The following FRAS1 variants were observed in gnomAD, a reference collection of about 807,000 sequenced individuals.
FRAS1 encodes the protein Fraser extracellular matrix complex subunit 1.
Under a neutral mutation model 435.2 loss-of-function variants are expected in FRAS1, and 290 were observed. The observed-to-expected ratio is 0.67, with a 90% confidence interval of 0.61 to 0.73. The LOEUF (loss-of-function observed/expected upper bound fraction) is 0.73. FRAS1 is among the 30% of genes least tolerant of loss of function. The pLI is 0.00. For missense variants in FRAS1, 4,860 were observed against 5,001.5 expected (o/e 0.97, Z 0.85); for synonymous variants, 1,800 against 1,851.0 (o/e 0.97, Z 0.71).
At chr4:78,200,649 T>C (rs1441468471) in intron 2 of FRAS1, among the ~76,000 whole-genome samples, 1 of 151,812 alleles carries the variant, frequency 6.6e-6, no homozygotes, top group Admixed American at 6.6e-5. Flanking sequence ...TTCTGGGCCC[T>C]GTATTGCATT....
rs1002360914 is a variant in FRAS1 at position 78,298,040 on chromosome 4, A to C, written c.1535-10026A>C. On this transcript the variant is annotated intron_variant, in intron 14 of 73. Coordinates refer to ENST00000512123, the MANE Select transcript of FRAS1 (RefSeq NM_025074.7). ...TCTCTCTCTCTCTCTCTATATATAT[A>C]TATATATATATATTACTAATCCTCT... Among the ~76,000 whole-genome samples the C allele has an allele frequency of 4.9e-3, 661 of 135,674 alleles. 6 individuals are homozygous for C. Among genetic ancestry groups the C allele is most frequent in the African/African-American group, 0.016 (587 of 37,082 alleles). The allele number at this position is 135,674 out of a possible 152,430, so 89.0% of individuals were successfully genotyped here.
At chr4:78,233,736 CAA>C (rs1724609805) in intron 2 of FRAS1, among the ~76,000 whole-genome samples, 1 of 152,160 alleles carries the variant, frequency 6.6e-6, no homozygotes, top group Non-Finnish European at 1.5e-5. Flanking sequence ...AACTCAATAA[CAA>C]ACTCAGTTAA....
At chr4:78,318,116 GT>G (rs2110236400) in intron 17 of FRAS1, among the ~76,000 whole-genome samples, 1 of 152,340 alleles carries the variant, frequency 6.6e-6, no homozygotes, top group Admixed American at 6.5e-5. Context: ...TTAGAACAGA[GT>G]TTGAGAATAG....
At chr4:78,279,552 C>T (rs750126423) in intron 10 of FRAS1, among the ~76,000 whole-genome samples, 1 of 152,180 alleles carries the variant, frequency 6.6e-6, no homozygotes, top group African/African-American at 2.4e-5. Context: ...AAAAAGTGAA[C>T]AGGCTCTAGA....
chr4:78,382,570 G>A (rs536898095), intron 27 of FRAS1, among the ~76,000 whole-genome samples: 1 of 152,260 alleles, frequency 6.6e-6, no homozygotes, highest in African/African-American at 2.4e-5. Context: ...GGTGGAGAGG[G>A]ACAGGACTTA....
chr4:78,244,930 T>G (rs1225523189), intron 3 of FRAS1, among the ~76,000 whole-genome samples: 1 of 152,140 alleles, frequency 6.6e-6, no homozygotes, highest in African/African-American at 2.4e-5. Flanking sequence ...AGAAAACTGC[T>G]TATCTTGTGT....
At chr4:78,272,245 C>A (rs1392200237) in intron 9 of FRAS1, among the ~76,000 whole-genome samples, 2 of 152,092 alleles carry the variant, frequency 1.3e-5, no homozygotes, top group East Asian at 3.9e-4. Context: ...CAAAAATTTT[C>A]TCTCATTCTG....
intron 60 of FRAS1, among the ~76,000 whole-genome samples, chr4:78,498,982 C>T (rs1193493296): frequency 1.1e-4 from 16 of 152,122 alleles, no homozygotes; most frequent in Middle Eastern, 3.4e-3. Context: ...TGAGTAGCTG[C>T]GACCACAGGC....
At chr4:78,065,456 T>C (rs2109848672) in intron 1 of FRAS1, among the ~76,000 whole-genome samples, 2 of 152,148 alleles carry the variant, frequency 1.3e-5, no homozygotes, top group South Asian at 4.2e-4. Context: ...CAGAGGAGCA[T>C]AATCTGGTGG....
In FRAS1 at chr4:78,537,201, G is replaced by A. The variant is rs371268544; in HGVS notation, c.11298+1G>A. ...CCTAAAACACAGATTCCTGCTGTTG[G>A]TATGCTAAGTTCTCACTATTAGTGT... On this transcript the variant is annotated splice_donor_variant, in intron 72 of 73. Transcript: ENST00000512123. LOFTEE classifies it high-confidence loss of function. 30 of 1,612,902 alleles carry A rather than the reference G, an allele frequency of 1.9e-5. No homozygotes were observed. Among genetic ancestry groups the A allele is most frequent in the Non-Finnish European group, 2.5e-5 (29 of 1,179,406 alleles).
chr4:78,080,256 C>T (rs1027650676), intron 2 of FRAS1, among the ~76,000 whole-genome samples: 2 of 152,108 alleles, frequency 1.3e-5, no homozygotes, highest in Non-Finnish European at 2.9e-5. Flanking sequence ...CCCTGGGGAA[C>T]AGAAAGCCGA....
intron 2 of FRAS1, among the ~76,000 whole-genome samples, chr4:78,143,774 C>T (rs1397889024): frequency 9.3e-5 from 14 of 150,218 alleles, no homozygotes; most frequent in Admixed American, 2.0e-4. Context: ...TATGATGTTG[C>T]GGGCCTGTGG....
chr4:78,271,864 G>C (rs771730638), intron 9 of FRAS1, among the ~76,000 whole-genome samples: 3 of 152,168 alleles, frequency 2.0e-5, no homozygotes, highest in Non-Finnish European at 4.4e-5. Flanking sequence ...GGTATTTCTA[G>C]TTCTAGATCC....
chr4:78,372,689 A>G, intron 23 of FRAS1, 29 bp from the exon 24 acceptor site: 1 of 1,610,790 alleles, frequency 6.2e-7, no homozygotes, highest in East Asian at 2.2e-5. Flanking sequence ...ACAGAAAGGA[A>G]GATAATCTAA....
chr4:78,091,523 G>A (rs959491617), intron 2 of FRAS1, among the ~76,000 whole-genome samples: 10 of 152,044 alleles, frequency 6.6e-5, no homozygotes, highest in Non-Finnish European at 1.5e-4. Context: ...TGTATTTTGA[G>A]GAATTCTGAG....
rs188402547 is a variant in FRAS1 at position 78,271,797 on chromosome 4, C to T, written c.981+4365C>T. ...CATACGTGTGCATGTGTCTTTATAG[C>T]AGCATGATTTATAATCCTTTGGGTA... On this transcript the variant is annotated intron_variant, in intron 9 of 73. Transcript: ENST00000512123. 5.3e-4 allele frequency among the ~76,000 whole-genome samples: 80 copies of T among 152,310 alleles called. 1 individual carries two copies. The East Asian group carries it at 6.7e-3, about 13-fold the overall frequency.
intron 22 of FRAS1, among the ~76,000 whole-genome samples, chr4:78,368,386 A>G (rs1462008481): frequency 6.6e-6 from 1 of 150,902 alleles, no homozygotes; most frequent in Non-Finnish European, 1.5e-5. Context: ...ATACTTTGAT[A>G]TCATATAGAT....
At chr4:78,226,153 C>T (rs769298599) in intron 2 of FRAS1, among the ~76,000 whole-genome samples, 2 of 152,200 alleles carry the variant, frequency 1.3e-5, no homozygotes, top group Admixed American at 6.5e-5. Context: ...TTGAATTCTC[C>T]GTTTTTTCAT....
chr4:78,473,873 A>G (rs1407472149), intron 53 of FRAS1, among the ~76,000 whole-genome samples: 3 of 152,208 alleles, frequency 2.0e-5, no homozygotes, highest in Non-Finnish European at 2.9e-5. Context: ...AGAGACAGAA[A>G]CTTGTTTATG....
Sources: gnomAD v4.1 joint callset for allele counts (sites outside exome capture counted in the v4.1 genomes callset) on GRCh38, gnomAD v4.1.1 for gene constraint, MANE v1.5 for transcripts, NCBI Gene and HGNC (gene_info 2026-07-23, HGNC 2026-07-21) for gene names.